The following ADAMTS17 variants were observed in gnomAD, a reference collection of about 807,000 sequenced individuals.
The protein encoded by ADAMTS17 is ADAM metallopeptidase with thrombospondin type 1 motif 17.
In ADAMTS17, 113 loss-of-function variants were observed where a neutral mutation model predicts 141.5. The ratio of observed to expected loss-of-function variants is 0.80; its 90% CI spans 0.69 to 0.93. The LOEUF is 0.93. Ranked by LOEUF, ADAMTS17 falls within the 40% of genes least tolerant of loss-of-function variation. ADAMTS17 has a pLI of 0.00. For synonymous variants in ADAMTS17, 768 were observed against 630.6 expected, an observed-to-expected ratio of 1.22 and a Z score of -3.27; for missense variants, 1,659 against 1,517.9, an observed-to-expected ratio of 1.09 and a Z score of -1.54.
At chr15:100,199,506 T>G (rs923486280) in intron 7 of ADAMTS17, 83 bp from the exon 8 acceptor site, 48 of 1,156,178 alleles carry the variant, frequency 4.2e-5, no homozygotes, top group Middle Eastern at 3.9e-4. Context: ...GTCAACGTCA[T>G]GCACAATCAA....
intron 12 of ADAMTS17, among the ~76,000 whole-genome samples, chr15:100,127,726 C>A (rs1262218164): frequency 6.6e-6 from 1 of 152,092 alleles, no homozygotes. Context: ...GGATTACAGG[C>A]ATGTGCCACC....
At position 100,205,421 on chromosome 15, in the gene ADAMTS17, C is replaced by T. The variant is rs578231958; in HGVS notation, c.1076-5998G>A. On this transcript the variant is annotated intron_variant, in intron 7 of 21. Coordinates refer to ENST00000268070, the MANE Select transcript of ADAMTS17 (RefSeq NM_139057.4). ...GAATAAGTGGTGATGTTCAAAAGGCCACAGCCAACTTGAGCCAAGTGCATG... is the reference window on the plus strand; with the variant it reads ...GAATAAGTGGTGATGTTCAAAAGGCTACAGCCAACTTGAGCCAAGTGCATG... Among the ~76,000 whole-genome samples, 4 of 152,248 alleles carry T rather than the reference C, an allele frequency of 2.6e-5. No individual in the cohort carries two copies. The East Asian group carries it at 7.7e-4, about 29-fold the overall frequency.
At chr15:100,074,964 A>G (rs1351856834) in intron 15 of ADAMTS17, among the ~76,000 whole-genome samples, 2 of 152,200 alleles carry the variant, frequency 1.3e-5, no homozygotes, top group East Asian at 1.9e-4. Flanking sequence ...TTAAATGAGA[A>G]AACAGTGGAG....
chr15:100,197,715 ACT>A (rs113676744), intron 8 of ADAMTS17, among the ~76,000 whole-genome samples: 6 of 151,908 alleles, frequency 3.9e-5, no homozygotes, highest in African/African-American at 1.4e-4. Context: ...CATCATTTCC[ACT>A]CTCTGTACCT....
intron 18 of ADAMTS17, among the ~76,000 whole-genome samples, chr15:100,026,167 CTT>C (rs2061512153): frequency 6.6e-6 from 1 of 152,214 alleles, no homozygotes; most frequent in Admixed American, 6.5e-5. Context: ...AGCAGGCACT[CTT>C]GTCTTTTGTG....
chr15:100,187,995 G>A (rs1174227911), intron 8 of ADAMTS17, among the ~76,000 whole-genome samples: 1 of 152,122 alleles, frequency 6.6e-6, no homozygotes, highest in Non-Finnish European at 1.5e-5. Flanking sequence ...AAGGTGGGAG[G>A]GGCACTTGAG....
chr15:100,035,007 T>TC (rs563379638), intron 18 of ADAMTS17, among the ~76,000 whole-genome samples: 332 of 152,264 alleles, frequency 2.2e-3, no homozygotes, highest in African/African-American at 7.7e-3. Context: ...CCTGCCTGTC[T>TC]CCCAGCAAAT....
At chr15:100,213,046 T>C (rs2041859590) in intron 7 of ADAMTS17, among the ~76,000 whole-genome samples, 1 of 152,162 alleles carries the variant, frequency 6.6e-6, no homozygotes, top group Admixed American at 6.5e-5. Context: ...TAGTTTAACA[T>C]ATATATGATT....
intron 3 of ADAMTS17, among the ~76,000 whole-genome samples, chr15:100,292,376 T>C (rs113229163): frequency 0.014 from 1,759 of 125,876 alleles, 14 homozygotes; most frequent in South Asian, 0.02. Context: ...TTACGAGAGA[T>C]GCTCACCCCG....
chr15:100,281,211 C>A lies in ADAMTS17; in HGVS notation c.789+18G>T. The A allele has an allele frequency of 6.2e-7, 1 of 1,601,804 alleles. No homozygotes were observed. ...GAAAACAGAGCCCCCCACATCAGGA[C>A]CCCGGCTCCGGACTCACCATGTTCA... On this transcript the variant is annotated intron_variant, in intron 4 of 21. Transcript: ENST00000268070.
At chr15:100,206,200 C>T (rs1269212648) in intron 7 of ADAMTS17, among the ~76,000 whole-genome samples, 2 of 152,198 alleles carry the variant, frequency 1.3e-5, no homozygotes, top group Non-Finnish European at 2.9e-5. Context: ...TACTCCCTGG[C>T]TACCAGAGAA....
At chr15:100,139,760 A>G (rs1158172074) in intron 10 of ADAMTS17, among the ~76,000 whole-genome samples, 1 of 152,154 alleles carries the variant, frequency 6.6e-6, no homozygotes, top group Non-Finnish European at 1.5e-5. Flanking sequence ...AAACTAATAG[A>G]CTGGTACTCT....
At chr15:100,166,695 C>T (rs556878355) in intron 8 of ADAMTS17, among the ~76,000 whole-genome samples, 1 of 152,280 alleles carries the variant, frequency 6.6e-6, no homozygotes, top group South Asian at 2.1e-4. Context: ...GGCTTGTTTT[C>T]CTAGCTGAGA....
chr15:100,112,646 A>G (rs2036859518), intron 13 of ADAMTS17, among the ~76,000 whole-genome samples: 1 of 152,020 alleles, frequency 6.6e-6, no homozygotes. Context: ...AGAAGATCAC[A>G]TTTTCTTAAA....
Position 100,249,230 on chromosome 15 carries a change from C to T in ADAMTS17, c.1075+4906G>A, listed in dbSNP as rs189008780. ...GCCTTGGAAACGCCAACTTTGCCTA[C>T]ACCACTAGCACCCCTGTGAAGCCTA... On this transcript the variant is annotated intron_variant, in intron 7 of 21. Coordinates refer to ENST00000268070, the MANE Select transcript of ADAMTS17 (RefSeq NM_139057.4). Among the ~76,000 whole-genome samples the T allele has an allele frequency of 2.3e-3, 353 of 152,314 alleles. 6 individuals carry two copies. The highest frequency in any genetic ancestry group is 8.2e-3 in the African/African-American group (340 of 41,564).
intron 6 of ADAMTS17, chr15:100,257,165 C>A (rs2043354841): frequency 6.6e-6 from 1 of 152,214 alleles, no homozygotes; most frequent in Non-Finnish European, 1.5e-5. Flanking sequence ...CTGAGCGCAG[C>A]CAGGCCCGTG....
At chr15:99,990,879 C>A (rs28602818) in intron 20 of ADAMTS17, among the ~76,000 whole-genome samples, 6,438 of 152,196 alleles carry the variant, frequency 0.042, 444 homozygotes, top group African/African-American at 0.15. Flanking sequence ...CATCTACAAC[C>A]ATCTGATCTT....
chr15:99,982,367 T>C (rs929726576), intron 20 of ADAMTS17, among the ~76,000 whole-genome samples: 1 of 152,048 alleles, frequency 6.6e-6, no homozygotes, highest in Non-Finnish European at 1.5e-5. Flanking sequence ...CCTGGCTCCC[T>C]GAGTTGATCA....
intron 8 of ADAMTS17, among the ~76,000 whole-genome samples, chr15:100,170,991 C>G (rs2040137958): frequency 6.6e-6 from 1 of 152,202 alleles, no homozygotes; most frequent in Non-Finnish European, 1.5e-5. Context: ...CCATCCCCCA[C>G]ACCAGCTTCC....
Sources: gnomAD v4.1 joint callset for allele counts (sites outside exome capture counted in the v4.1 genomes callset) on GRCh38, gnomAD v4.1.1 for gene constraint, MANE v1.5 for transcripts, NCBI Gene and HGNC (gene_info 2026-07-23, HGNC 2026-07-21) for gene names.